ZNF516: variants seen among roughly 807,000 people sequenced by gnomAD.
ZNF516 encodes the protein zinc finger protein 516.
Under a neutral mutation model 79.7 loss-of-function variants are expected in ZNF516, and 19 were observed. That is an observed-to-expected ratio of 0.24 (90% CI 0.17 to 0.35). ZNF516 has a LOEUF of 0.35. Ranked by LOEUF, ZNF516 falls within the 10% of genes least tolerant of loss-of-function variation. The pLI, the probability that ZNF516 is intolerant of heterozygous loss-of-function variation, is 1.00. For missense variants in ZNF516, 1,678 were observed against 1,679.5 expected (o/e 1.00, Z 0.02); for synonymous variants, 877 against 739.5 (o/e 1.19, Z -3.02).
intron 3 of ZNF516, among the ~76,000 whole-genome samples, chr18:76,428,018 TATTAC>T (rs2075617201): frequency 6.6e-6 from 1 of 152,202 alleles, no homozygotes; most frequent in Non-Finnish European, 1.5e-5. Flanking sequence ...ACATGAGGAT[TATTAC>T]ATTCAAACAG....
intron 4 of ZNF516, among the ~76,000 whole-genome samples, chr18:76,376,788 C>G (rs2074794159): frequency 6.6e-6 from 1 of 152,096 alleles, no homozygotes; most frequent in Non-Finnish European, 1.5e-5. Context: ...TGCACGCAGG[C>G]TGGAGGGCAT....
intron 1 of ZNF516, chr18:76,492,540 C>A: frequency 3.0e-6 from 1 of 334,304 alleles, no homozygotes; most frequent in Non-Finnish European, 4.3e-6. Flanking sequence ...AGTTGGAAGA[C>A]ACATGCTGCC....
In ZNF516 at chr18:76,371,536, C is replaced by T. The variant is rs199730408; in HGVS notation, c.3295G>A (p.Val1099Ile). ...AAGCTCTTTCCGCACTCGATGCAGA[C>T]GAACTCTCCTGGCCGGGCCTGCGTC... ...LRTQARPGEF[V>I]CIECGKSFHQ... Residue 1099 changes from valine to isoleucine, a missense_variant, in exon 5 of 7, where the codon GTC (valine) becomes ATC (isoleucine). Transcript: ENST00000443185. 2.4e-5 allele frequency: 38 copies of T among 1,610,924 alleles called. No homozygotes were observed. The East Asian group carries it at 2.9e-4, about 12-fold the overall frequency.
intron 3 of ZNF516, among the ~76,000 whole-genome samples, chr18:76,404,075 C>T (rs2075268382): frequency 1.3e-5 from 2 of 152,210 alleles, no homozygotes; most frequent in Admixed American, 1.3e-4. Flanking sequence ...CTGGCCTCCC[C>T]ACTCCACTCT....
chr18:76,409,137 A>C (rs1333446978), intron 3 of ZNF516, among the ~76,000 whole-genome samples: 1 of 151,792 alleles, frequency 6.6e-6, no homozygotes, highest in Non-Finnish European at 1.5e-5. Context: ...ACATAGCTAA[A>C]GTGGAAGAGC....
chr18:76,486,102 T>A (rs569370305), intron 1 of ZNF516, among the ~76,000 whole-genome samples: 3 of 152,184 alleles, frequency 2.0e-5, no homozygotes, highest in Non-Finnish European at 4.4e-5. Context: ...CAGCATTGAA[T>A]GGCAAACTAT....
At chr18:76,376,890 G>A (rs953962754) in intron 4 of ZNF516, among the ~76,000 whole-genome samples, 3 of 152,130 alleles carry the variant, frequency 2.0e-5, no homozygotes, top group African/African-American at 4.8e-5. Flanking sequence ...GGACACAGCG[G>A]GCCAGGTGCA....
At chr18:76,404,882 A>G (rs2145249661) in intron 3 of ZNF516, among the ~76,000 whole-genome samples, 1 of 152,298 alleles carries the variant, frequency 6.6e-6, no homozygotes, top group African/African-American at 2.4e-5. Flanking sequence ...TATGGTGAGC[A>G]TGACTGTGAG....
intron 1 of ZNF516, among the ~76,000 whole-genome samples, chr18:76,484,514 C>G (rs1206681446): frequency 2.6e-5 from 4 of 152,198 alleles, no homozygotes; most frequent in Non-Finnish European, 5.9e-5. Flanking sequence ...CCGCTCGGGC[C>G]AAGAAGGTGC....
chr18:76,473,905 G>T (rs12969900), intron 1 of ZNF516, among the ~76,000 whole-genome samples: 271 of 8,246 alleles, frequency 0.033, 28 homozygotes, highest in Middle Eastern at 0.14. Flanking sequence ...TTTTTGTGTG[G>T]GGGGGGGGGG....
chr18:76,419,629 A>G (rs868609226), intron 3 of ZNF516, among the ~76,000 whole-genome samples: 5 of 152,164 alleles, frequency 3.3e-5, no homozygotes, highest in Non-Finnish European at 7.4e-5. Flanking sequence ...GTGACAGCGA[A>G]TAAGTCTCAC....
chr18:76,454,220 T>G (rs558385493), intron 2 of ZNF516, among the ~76,000 whole-genome samples: 3 of 152,182 alleles, frequency 2.0e-5, no homozygotes, highest in Non-Finnish European at 4.4e-5. Context: ...TAAGAGCTCA[T>G]AGAGGAAAAA....
At chr18:76,449,050 T>TC (rs1912237351) in intron 2 of ZNF516, among the ~76,000 whole-genome samples, 1 of 151,960 alleles carries the variant, frequency 6.6e-6, no homozygotes, top group Non-Finnish European at 1.5e-5. Context: ...CCCTGGCTCC[T>TC]CCCTCCCCAT....
At chr18:76,418,451 T>TAACATGCTGTAACACGCTAC (rs1452898716) in intron 3 of ZNF516, among the ~76,000 whole-genome samples, 1 of 151,406 alleles carries the variant, frequency 6.6e-6, no homozygotes, top group South Asian at 2.1e-4. Flanking sequence ...ACACATGCTG[T>TAACATGCTGTAACACGCTAC]AACATGCTGT....
In ZNF516 at chr18:76,410,507, C is replaced by T. The variant is rs1297356637; in HGVS notation, c.1811-30204G>A. ...GGTCCCGAAGCTCGCGCAGTGGTTC[C>T]GCAGTTCCCTACACAGCCTGCATTC... is the stretch of plus-strand genomic sequence containing the variant. On this transcript the variant is annotated intron_variant, in intron 3 of 6. Coordinates refer to ENST00000443185, the MANE Select transcript of ZNF516 (RefSeq NM_014643.4). Among the ~76,000 whole-genome samples, 8 of 152,242 alleles carry T rather than the reference C, an allele frequency of 5.3e-5. No homozygotes were observed. In the East Asian group the frequency reaches 9.7e-4, roughly 18 times the overall value.
At position 76,380,007 on chromosome 18, in the gene ZNF516, T is replaced by A. The variant is rs751687847; in HGVS notation, c.2107A>T (p.Thr703Ser). Residue 703 changes from threonine (T) to serine (S), a missense_variant, in exon 4 of 7, where the codon ACG becomes TCG. This residue lies in a region of ZNF516 where 1,294 missense variants were observed against 1,248.3 expected (regional missense o/e 1.04). Coordinates refer to ENST00000443185, the MANE Select transcript of ZNF516 (RefSeq NM_014643.4). Reference protein sequence around the residue: ...FPSSTGAEGQTGHPAEKLSDL... With the variant: ...FPSSTGAEGQSGHPAEKLSDL... ...GACAGCTTTTCTGCAGGGTGACCCGTCTGGCCCTCCGCTCCCGTACTGGAA... is the reference window on the plus strand; with the variant it reads ...GACAGCTTTTCTGCAGGGTGACCCGACTGGCCCTCCGCTCCCGTACTGGAA... The A allele has an allele frequency of 1.2e-6, 2 of 1,613,868 alleles. No homozygotes were observed. The highest frequency in any genetic ancestry group is 2.7e-5 in the African/African-American group (2 of 74,926).
At chr18:76,484,643 AAC>A (rs1425777306) in intron 1 of ZNF516, among the ~76,000 whole-genome samples, 3 of 152,206 alleles carry the variant, frequency 2.0e-5, no homozygotes, top group African/African-American at 7.2e-5. Flanking sequence ...GATTGCCTAA[AAC>A]ACACACTCTC....
chr18:76,369,120 A>G (rs530189995), intron 6 of ZNF516, among the ~76,000 whole-genome samples: 1 of 152,200 alleles, frequency 6.6e-6, no homozygotes, highest in Non-Finnish European at 1.5e-5. Flanking sequence ...CTCTTACTAC[A>G]TCCCACAAAC....
chr18:76,386,983 G>A (rs574629096), intron 3 of ZNF516: 99 of 152,356 alleles, frequency 6.5e-4, no homozygotes, highest in African/African-American at 2.3e-3. Flanking sequence ...ATTCTCACTG[G>A]ACTGATCTCT....
Sources: gnomAD v4.1 joint callset for allele counts (sites outside exome capture counted in the v4.1 genomes callset) on GRCh38, gnomAD v4.1.1 for gene constraint, gnomAD v4.1.1 regional missense constraint, MANE v1.5 for transcripts, NCBI Gene and HGNC (gene_info 2026-07-23, HGNC 2026-07-21) for gene names.